The following POM121C variants were observed in gnomAD, a reference collection of about 807,000 sequenced individuals.
POM121C encodes nuclear envelope pore membrane protein POM 121C.
A neutral mutation model predicts 66.4 loss-of-function variants in POM121C; 20 were observed. The observed-to-expected ratio is 0.30, with a 90% CI of 0.21 to 0.44. The LOEUF (loss-of-function observed/expected upper bound fraction) is 0.44. Among genes scored for constraint, POM121C ranks in the 20% least tolerant of loss-of-function variants. POM121C has a pLI of 1.00. For missense variants in POM121C, 580 were observed against 1,225.7 expected, an observed-to-expected ratio of 0.47 and a Z score of 7.87; for synonymous variants, 286 against 528.0, an observed-to-expected ratio of 0.54 and a Z score of 6.28.
chr7:75,485,321 G>A (rs587759618), intron 1 of POM121C, among the ~76,000 whole-genome samples: 8 of 152,176 alleles, frequency 5.3e-5, no homozygotes, highest in African/African-American at 1.9e-4. Context: ...ACTAGGATAC[G>A]GGAGAAAGAA....
chr7:75,463,762 G>A (rs1189082324), intron 3 of POM121C, among the ~76,000 whole-genome samples: 1 of 151,990 alleles, frequency 6.6e-6, no homozygotes, highest in Non-Finnish European at 1.5e-5. Context: ...GTGCGATCTC[G>A]GCTCACTGCA....
chr7:75,428,855 C>A (rs1790060527), intron 7 of POM121C, among the ~76,000 whole-genome samples: 2 of 151,772 alleles, frequency 1.3e-5, no homozygotes, highest in African/African-American at 4.8e-5. Flanking sequence ...TGGTGCATGC[C>A]TGTAATCCCA....
intron 3 of POM121C, among the ~76,000 whole-genome samples, chr7:75,469,203 G>A (rs1273462620): frequency 6.6e-6 from 1 of 151,688 alleles, no homozygotes; most frequent in African/African-American, 2.4e-5. Flanking sequence ...AGGCTAAAGC[G>A]ATTCTCTCAC....
At chr7:75,436,727 A>G (rs1554473060) in intron 7 of POM121C, among the ~76,000 whole-genome samples, 1 of 152,144 alleles carries the variant, frequency 6.6e-6, no homozygotes, top group Non-Finnish European at 1.5e-5. Context: ...AGATAAGAAA[A>G]AGAGATGTTA....
rs587699553 is a variant in POM121C at position 75,460,868 on chromosome 7, G to C, written c.-152+13836C>G. Among the ~76,000 whole-genome samples, 657 of 152,154 alleles carry C rather than the reference G, an allele frequency of 4.3e-3. 7 individuals carry two copies. Among genetic ancestry groups the C allele is most frequent in the African/African-American group, 0.015 (626 of 41,458 alleles). ...GAGGACCAGCCCGGATGCTTGCCTT[G>C]GTTTATTTGGCCCTCTCAGCAACAG... On this transcript the variant is annotated intron_variant, in intron 3 of 14. Transcript: ENST00000615331.
intron 3 of POM121C, among the ~76,000 whole-genome samples, chr7:75,472,696 T>G (rs1257973842): frequency 6.6e-6 from 1 of 151,424 alleles, no homozygotes; most frequent in Non-Finnish European, 1.5e-5. Context: ...TCCCAGCTAC[T>G]TTGGGAGGCT....
intron 3 of POM121C, among the ~76,000 whole-genome samples, chr7:75,463,929 C>A (rs1445317545): frequency 1.3e-5 from 2 of 150,864 alleles, no homozygotes; most frequent in Admixed American, 6.6e-5. Context: ...TGACCTCAGG[C>A]AATCTGCCCA....
chr7:75,450,313 G>C (rs1331145446), intron 3 of POM121C, among the ~76,000 whole-genome samples: 1 of 152,072 alleles, frequency 6.6e-6, no homozygotes, highest in African/African-American at 2.4e-5. Flanking sequence ...AAGCTGGGGA[G>C]AATTCCTCTG....
At chr7:75,441,935 A>T (rs1335364055) in intron 3 of POM121C, among the ~76,000 whole-genome samples, 2 of 135,864 alleles carry the variant, frequency 1.5e-5, no homozygotes, top group African/African-American at 5.3e-5. Context: ...TTAGAACTGG[A>T]AAGAAGGGAA....
At chr7:75,434,548 A>G (rs1224389159) in intron 7 of POM121C, among the ~76,000 whole-genome samples, 2 of 147,012 alleles carry the variant, frequency 1.4e-5, no homozygotes, top group Non-Finnish European at 3.0e-5. Context: ...AAGTGCTGGG[A>G]TTACAAGAGT....
intron 7 of POM121C, among the ~76,000 whole-genome samples, chr7:75,428,206 C>G (rs1790033185): frequency 6.6e-6 from 1 of 151,922 alleles, no homozygotes; most frequent in Non-Finnish European, 1.5e-5. Context: ...GTGGCACGAT[C>G]TCACCTCACT....
At chr7:75,436,733 T>C (rs1352197302) in intron 7 of POM121C, among the ~76,000 whole-genome samples, 2 of 152,092 alleles carry the variant, frequency 1.3e-5, no homozygotes, top group African/African-American at 4.8e-5. Context: ...GAAAAAGAGA[T>C]GTTATGTGAT....
chr7:75,442,735 C>T (rs1554474291), intron 3 of POM121C: 2 of 1,351,974 alleles, frequency 1.5e-6, no homozygotes, highest in African/African-American at 3.1e-5. Flanking sequence ...CTCCGCGCCG[C>T]GGAGGAGACT....
At chr7:75,453,275 TAAAA>T (rs587669014) in intron 3 of POM121C, among the ~76,000 whole-genome samples, 1 of 115,134 alleles carries the variant, frequency 8.7e-6, no homozygotes, top group South Asian at 2.7e-4. Context: ...TACAAAAAGT[TAAAA>T]AAAAAAAAAA....
intron 10 of POM121C, chr7:75,424,832 C>T (rs192116616): frequency 7.7e-5 from 90 of 1,162,306 alleles, no homozygotes; most frequent in African/African-American, 6.9e-4. Flanking sequence ...TGGTAGCAAG[C>T]GCCTGTAATC....
In POM121C at chr7:75,424,603, G is replaced by C. The variant is rs782722292; in HGVS notation, c.794C>G (p.Ser265Trp). 4 of 1,613,784 alleles carry C rather than the reference G, an allele frequency of 2.5e-6. No homozygotes were observed. In the African/African-American group the frequency reaches 5.3e-5, roughly 22 times the overall value. Reference sequence around the variant, plus strand: ...TAAGTCTAGGTCCTCGGCAGTGATCGAATAGCCAAGCTGGGGAGGTGGAGG... The same window carrying C: ...TAAGTCTAGGTCCTCGGCAGTGATCCAATAGCCAAGCTGGGGAGGTGGAGG... ...TLPPPPQLGY[S>W]ITAEDLDLEK... Residue 265 changes from serine (S) to tryptophan (W), a missense_variant, in exon 11 of 15, where the codon TCG (serine) becomes TGG (tryptophan). Ser to Trp is a radical substitution (Grantham distance 177). Transcript: ENST00000615331.
At chr7:75,438,479 C>T (rs370191140) in intron 6 of POM121C, among the ~76,000 whole-genome samples, 5 of 152,316 alleles carry the variant, frequency 3.3e-5, no homozygotes, top group African/African-American at 1.2e-4. Context: ...CCCCATCATC[C>T]ACCACCACCC....
At chr7:75,478,076 T>G (rs1341104813) in intron 1 of POM121C, among the ~76,000 whole-genome samples, 1 of 152,144 alleles carries the variant, frequency 6.6e-6, no homozygotes, top group East Asian at 1.9e-4. Flanking sequence ...CAGCAATTCT[T>G]CTGCCTCAGC....
At chr7:75,467,801 C>G (rs1791716799) in intron 3 of POM121C, among the ~76,000 whole-genome samples, 1 of 151,930 alleles carries the variant, frequency 6.6e-6, no homozygotes, top group South Asian at 2.1e-4. Context: ...GAGCACCTAC[C>G]TATGTGTGAG....
Sources: allele counts gnomAD v4.1 joint callset (sites outside exome capture counted in the v4.1 genomes callset), GRCh38; gene constraint gnomAD v4.1.1; transcripts MANE v1.5; gene names NCBI Gene and HGNC (gene_info 2026-07-23, HGNC 2026-07-21).